BICC1: variants seen among roughly 807,000 people sequenced by gnomAD.
The protein encoded by BICC1 is protein bicaudal C homolog 1.
A neutral mutation model predicts 111.0 loss-of-function variants in BICC1; 43 were observed. The observed-to-expected ratio is 0.39, with a 90% CI of 0.30 to 0.50. The LOEUF is 0.50. Ranked by LOEUF, BICC1 falls within the 20% of genes least tolerant of loss-of-function variation. The probability of loss-of-function intolerance (pLI) is 0.88; values close to 1 mark genes in which losing one functional copy is unlikely to be tolerated. For synonymous variants in BICC1, 467 were observed against 434.4 expected (o/e 1.07, Z -0.93); for missense variants, 1,091 against 1,203.2 (o/e 0.91, Z 1.38).
intron 18 of BICC1, among the ~76,000 whole-genome samples, chr10:58,814,900 T>C (rs1273501518): frequency 6.6e-6 from 1 of 152,158 alleles, no homozygotes; most frequent in Non-Finnish European, 1.5e-5. Flanking sequence ...CAGGGTTTGA[T>C]TTTGTAAATA....
intron 1 of BICC1, among the ~76,000 whole-genome samples, chr10:58,541,194 T>C (rs1415971643): frequency 6.6e-6 from 1 of 151,876 alleles, no homozygotes; most frequent in Non-Finnish European, 1.5e-5. Context: ...GTATTAAAAA[T>C]TTTACCCAGA....
intron 3 of BICC1, among the ~76,000 whole-genome samples, chr10:58,736,021 T>C (rs1490123478): frequency 6.6e-6 from 1 of 152,164 alleles, no homozygotes; most frequent in Non-Finnish European, 1.5e-5. Context: ...GTATCACGAT[T>C]ACCTACGAAG....
intron 3 of BICC1, among the ~76,000 whole-genome samples, chr10:58,726,065 A>G (rs1325043295): frequency 1.3e-5 from 2 of 152,216 alleles, no homozygotes; most frequent in African/African-American, 2.4e-5. Context: ...ACAAGGGATT[A>G]GAATCTATTG....
At chr10:58,769,580 A>C (rs111710765) in intron 3 of BICC1, among the ~76,000 whole-genome samples, 2 of 151,596 alleles carry the variant, frequency 1.3e-5, no homozygotes, top group African/African-American at 4.8e-5. Context: ...CATTTCCCAT[A>C]TATTGTTTGA....
At chr10:58,711,951 C>T (rs1198022119) in intron 3 of BICC1, among the ~76,000 whole-genome samples, 1 of 151,928 alleles carries the variant, frequency 6.6e-6, no homozygotes, top group South Asian at 2.1e-4. Context: ...TTGCAAAAGA[C>T]ACATCTGATG....
intron 2 of BICC1, among the ~76,000 whole-genome samples, chr10:58,622,942 T>C (rs909179473): frequency 1.3e-5 from 2 of 152,192 alleles, no homozygotes; most frequent in Non-Finnish European, 2.9e-5. Flanking sequence ...GGATCTAGGC[T>C]TGTGATTGGA....
chr10:58,804,297 C>A (rs1843645485), intron 15 of BICC1, among the ~76,000 whole-genome samples: 1 of 152,100 alleles, frequency 6.6e-6, no homozygotes, highest in East Asian at 1.9e-4. Context: ...AGGTGGATTG[C>A]TTGAGTCCTG....
In BICC1 at chr10:58,628,237, A is replaced by G. The variant is rs1203911067; in HGVS notation, c.237+7336A>G. Among the ~76,000 whole-genome samples, 3 of 152,318 alleles carry G rather than the reference A, an allele frequency of 2.0e-5. No individual in the cohort carries two copies. The East Asian group carries it at 5.8e-4, about 29-fold the overall frequency. On this transcript the variant is annotated intron_variant, in intron 2 of 20. Coordinates refer to ENST00000373886, the MANE Select transcript of BICC1 (RefSeq NM_001080512.3). ...TTATGAAGAAAAACAGATAACAATA[A>G]CTAAGATAGATTGAAGTTGTTAATG...
chr10:58,694,388 C>G (rs1840008911), intron 2 of BICC1, among the ~76,000 whole-genome samples: 1 of 152,106 alleles, frequency 6.6e-6, no homozygotes, highest in South Asian at 2.1e-4. Flanking sequence ...GTCACTGATC[C>G]AGATGAGACC....
chr10:58,767,051 G>A (rs554166239), intron 3 of BICC1, among the ~76,000 whole-genome samples: 3 of 152,306 alleles, frequency 2.0e-5, no homozygotes, highest in African/African-American at 7.2e-5. Context: ...CTGCCCATGA[G>A]CTAGTTGGGA....
intron 2 of BICC1, among the ~76,000 whole-genome samples, chr10:58,636,591 C>T (rs1837960367): frequency 1.3e-5 from 2 of 152,022 alleles, no homozygotes; most frequent in East Asian, 1.9e-4. Context: ...TCTCCTCCTC[C>T]TCCTCCTCCT....
At chr10:58,542,206 A>G (rs999466517) in intron 1 of BICC1, among the ~76,000 whole-genome samples, 1 of 151,762 alleles carries the variant, frequency 6.6e-6, no homozygotes, top group Admixed American at 6.6e-5. Context: ...GTGGAACAGA[A>G]TAGAGAATCG....
At position 58,598,366 on chromosome 10, in the gene BICC1, C is replaced by G. The variant is rs139462271; in HGVS notation, c.191-22489C>G. On this transcript the variant is annotated intron_variant, in intron 1 of 20. Transcript: ENST00000373886. The stretch of plus-strand genomic sequence containing the variant: ...AGAAATAATACTGCACATCTACAAC[C>G]ATCTGATCTTTGACAAACCTAACAC... Among the ~76,000 whole-genome samples, 201 of 152,206 alleles carry G rather than the reference C, an allele frequency of 1.3e-3. No individual in the cohort carries two copies. In the Middle Eastern group the frequency reaches 0.014, roughly 10 times the overall value.
intron 3 of BICC1, among the ~76,000 whole-genome samples, chr10:58,757,670 A>AC (rs1423648621): frequency 3.3e-5 from 5 of 151,896 alleles, no homozygotes; most frequent in East Asian, 3.9e-4. Context: ...AAGAGCCAGG[A>AC]CCCCCCATCC....
At chr10:58,595,657 T>G (rs1844788139) in intron 1 of BICC1, among the ~76,000 whole-genome samples, 1 of 152,174 alleles carries the variant, frequency 6.6e-6, no homozygotes, top group Non-Finnish European at 1.5e-5. Flanking sequence ...AGATGTTCTT[T>G]GAAACCAATG....
intron 2 of BICC1, among the ~76,000 whole-genome samples, chr10:58,630,602 C>G (rs1345810201): frequency 1.3e-5 from 2 of 152,094 alleles, no homozygotes; most frequent in South Asian, 2.1e-4. Context: ...CTTTCAGGTT[C>G]TGATCTATAG....
chr10:58,746,814 A>G (rs1243147799), intron 3 of BICC1, among the ~76,000 whole-genome samples: 1 of 152,326 alleles, frequency 6.6e-6, no homozygotes, highest in South Asian at 2.1e-4. Flanking sequence ...TTCTGAGTTC[A>G]CAAAACTCAC....
intron 2 of BICC1, among the ~76,000 whole-genome samples, chr10:58,624,448 G>A (rs1330243558): frequency 1.3e-5 from 2 of 152,066 alleles, no homozygotes; most frequent in Non-Finnish European, 2.9e-5. Context: ...TTGATACTCA[G>A]TCTGATCTAT....
intron 3 of BICC1, among the ~76,000 whole-genome samples, chr10:58,772,196 T>C (rs1842638500): frequency 1.3e-5 from 2 of 152,184 alleles, no homozygotes; most frequent in African/African-American, 4.8e-5. Flanking sequence ...ACATAGCTTC[T>C]AAAACAAGAT....
Sources: gnomAD v4.1 joint callset for allele counts (sites outside exome capture counted in the v4.1 genomes callset) on GRCh38, gnomAD v4.1.1 for gene constraint, MANE v1.5 for transcripts, NCBI Gene and HGNC (gene_info 2026-07-23, HGNC 2026-07-21) for gene names.